MAGI2: variants seen among roughly 807,000 people sequenced by gnomAD.
MAGI2 encodes membrane-associated guanylate kinase, WW and PDZ domain-containing protein 2.
In MAGI2, 35 loss-of-function variants were observed where a neutral mutation model predicts 133.3. That is an observed-to-expected ratio of 0.26 (90% CI 0.20 to 0.35). MAGI2 has a LOEUF of 0.35. Ranked by LOEUF, MAGI2 falls within the 10% of genes least tolerant of loss-of-function variation. The probability of loss-of-function intolerance (pLI) is 1.00; values close to 1 mark genes in which losing one functional copy is unlikely to be tolerated. For missense variants in MAGI2, 1,636 were observed against 1,863.4 expected, an observed-to-expected ratio of 0.88 and a Z score of 2.25; for synonymous variants, 729 against 710.6, an observed-to-expected ratio of 1.03 and a Z score of -0.41.
chr7:78,584,679 T>C (rs1803218403), intron 3 of MAGI2, among the ~76,000 whole-genome samples: 1 of 152,112 alleles, frequency 6.6e-6, no homozygotes, highest in African/African-American at 2.4e-5. Context: ...AGCTGTGTGA[T>C]TGAAGAAGGT....
At chr7:78,320,021 C>A (rs924146911) in intron 9 of MAGI2, among the ~76,000 whole-genome samples, 2 of 152,148 alleles carry the variant, frequency 1.3e-5, no homozygotes, top group African/African-American at 4.8e-5. Context: ...ACTAGAAAAT[C>A]TAGAAGAAAC....
intron 1 of MAGI2, among the ~76,000 whole-genome samples, chr7:79,009,495 A>G (rs146904339): frequency 6.6e-6 from 1 of 152,242 alleles, no homozygotes; most frequent in East Asian, 1.9e-4. Context: ...TTTACAATTT[A>G]TCATAAGCAT....
At chr7:78,873,901 A>G (rs898252752) in intron 2 of MAGI2, among the ~76,000 whole-genome samples, 1 of 152,122 alleles carries the variant, frequency 6.6e-6, no homozygotes, top group Non-Finnish European at 1.5e-5. Context: ...TATGGTCACA[A>G]TGATGTAGAA....
chr7:78,600,754 T>C (rs190460407), intron 3 of MAGI2, among the ~76,000 whole-genome samples: 3 of 152,144 alleles, frequency 2.0e-5, no homozygotes, highest in Non-Finnish European at 1.5e-5. Context: ...TGTGGGTGCA[T>C]GTATGGAAAG....
chr7:78,500,585 T>C (rs1048940242), intron 5 of MAGI2, among the ~76,000 whole-genome samples: 1 of 152,168 alleles, frequency 6.6e-6, no homozygotes, highest in Non-Finnish European at 1.5e-5. Flanking sequence ...ATTAATAACA[T>C]GTATACAAAA....
chr7:79,020,323 A>G (rs1809178259), intron 1 of MAGI2, among the ~76,000 whole-genome samples: 1 of 152,216 alleles, frequency 6.6e-6, no homozygotes, highest in Non-Finnish European at 1.5e-5. Context: ...AGTGTTATGT[A>G]TTCACAAAAA....
chr7:78,272,058 C>T (rs1252829537), intron 9 of MAGI2, among the ~76,000 whole-genome samples: 1 of 152,152 alleles, frequency 6.6e-6, no homozygotes, highest in Non-Finnish European at 1.5e-5. Flanking sequence ...TTAGATCTTT[C>T]TTGCTTTCTC....
At chr7:78,862,642 CAT>C (rs1247867710) in intron 2 of MAGI2, among the ~76,000 whole-genome samples, 25 of 152,314 alleles carry the variant, frequency 1.6e-4, no homozygotes, top group African/African-American at 5.8e-4. Context: ...TTCTCTCAAG[CAT>C]AGAGTTAATT....
chr7:78,881,631 A>G (rs1364411611), intron 2 of MAGI2, among the ~76,000 whole-genome samples: 5 of 152,172 alleles, frequency 3.3e-5, no homozygotes, highest in Non-Finnish European at 5.9e-5. Flanking sequence ...TGGAATAAAA[A>G]TGGAAATCAA....
intron 1 of MAGI2, among the ~76,000 whole-genome samples, chr7:79,028,054 A>C (rs1244144912): frequency 6.6e-6 from 1 of 151,432 alleles, no homozygotes; most frequent in Admixed American, 6.6e-5. Flanking sequence ...TCTACTAAAA[A>C]TACAAAAATT....
chr7:79,272,133 G>A lies in MAGI2; in HGVS notation c.301+180887C>T, dbSNP rs543692111. On this transcript the variant is annotated intron_variant, in intron 1 of 21. Coordinates refer to ENST00000354212, the MANE Select transcript of MAGI2 (RefSeq NM_012301.4). ...ATTTTATATATCACCTAAAATGTAT[G>A]TATTAAAACTTAAGTATAATTTCAA... is the stretch of plus-strand genomic sequence containing the variant. Among the ~76,000 whole-genome samples the A allele has an allele frequency of 1.4e-4, 22 of 152,142 alleles. No individual in the cohort carries two copies. The South Asian group carries it at 4.6e-3, about 32-fold the overall frequency.
chr7:78,361,607 C>T (rs1792819980), intron 7 of MAGI2, among the ~76,000 whole-genome samples: 2 of 152,092 alleles, frequency 1.3e-5, no homozygotes, highest in Admixed American at 1.3e-4. Flanking sequence ...ATATACATAA[C>T]TGATGTCAAG....
At chr7:79,046,575 GTT>G (rs1266597110) in intron 1 of MAGI2, among the ~76,000 whole-genome samples, 1 of 152,188 alleles carries the variant, frequency 6.6e-6, no homozygotes, top group Non-Finnish European at 1.5e-5. Flanking sequence ...CTAAGGATAA[GTT>G]TTATCTTTCC....
intron 21 of MAGI2, among the ~76,000 whole-genome samples, chr7:78,070,174 C>CACATATATATATATAT (rs1321917404): frequency 1.8e-5 from 1 of 56,658 alleles, no homozygotes; most frequent in African/African-American, 6.9e-5. Flanking sequence ...CACACACACA[C>CACATATATATATATAT]ATATATATAT....
At chr7:78,580,099 A>G (rs117231317) in intron 3 of MAGI2, among the ~76,000 whole-genome samples, 1 of 148,586 alleles carries the variant, frequency 6.7e-6, no homozygotes, top group East Asian at 2.5e-4. Flanking sequence ...TGGTGAATGT[A>G]ATGTGTTTAT....
At chr7:78,832,713 C>T (rs180694659) in intron 2 of MAGI2, among the ~76,000 whole-genome samples, 106 of 152,290 alleles carry the variant, frequency 7.0e-4, no homozygotes, top group African/African-American at 2.5e-3. Context: ...AGATGAAATG[C>T]TCCTGATTAT....
intron 2 of MAGI2, among the ~76,000 whole-genome samples, chr7:78,851,176 G>A (rs1369044530): frequency 1.3e-5 from 2 of 151,914 alleles, no homozygotes; most frequent in East Asian, 1.9e-4. Context: ...AATAAATACC[G>A]TGATTACATT....
chr7:78,629,229 T>C (rs1240061917), intron 2 of MAGI2, among the ~76,000 whole-genome samples: 1 of 152,156 alleles, frequency 6.6e-6, no homozygotes. Context: ...ATTGAGTTCT[T>C]CCTTCTGTGA....
chr7:79,147,460 G>T (rs1394974426), intron 1 of MAGI2, among the ~76,000 whole-genome samples: 2 of 152,136 alleles, frequency 1.3e-5, no homozygotes, highest in Non-Finnish European at 2.9e-5. Flanking sequence ...TGAGAAAGTG[G>T]CTTGGGCTGC....
Sources: gnomAD v4.1 joint callset for allele counts (sites outside exome capture counted in the v4.1 genomes callset) on GRCh38, gnomAD v4.1.1 for gene constraint, MANE v1.5 for transcripts, NCBI Gene and HGNC (gene_info 2026-07-23, HGNC 2026-07-21) for gene names.